TCHP: variants seen among roughly 807,000 people sequenced by gnomAD.
TCHP encodes trichoplein keratin filament-binding protein.
TCHP carries 81 observed loss-of-function variants against 88.7 expected under a neutral mutation model. The observed-to-expected ratio is 0.91, with a 90% CI of 0.76 to 1.10. The LOEUF (loss-of-function observed/expected upper bound fraction) is 1.10, where lower values mean the gene tolerates loss of function less well. Ranked by LOEUF, TCHP falls within the 50% of genes least tolerant of loss-of-function variation. The probability of loss-of-function intolerance (pLI) is 0.00; values close to 1 mark genes in which losing one functional copy is unlikely to be tolerated. For missense variants in TCHP, 641 were observed against 632.1 expected (o/e 1.01, Z -0.15); for synonymous variants, 232 against 232.5 (o/e 1.00, Z 0.02).
intron 12 of TCHP, among the ~76,000 whole-genome samples, chr12:109,916,359 G>A (rs1161275930): frequency 6.6e-6 from 1 of 152,272 alleles, no homozygotes; most frequent in Non-Finnish European, 1.5e-5. Flanking sequence ...GGATCAGTGA[G>A]AGTGTCAGGG....
chr12:109,912,969 C>A, intron 9 of TCHP, 22 bp from the exon 10 acceptor site: 1 of 1,611,250 alleles, frequency 6.2e-7, no homozygotes, highest in Non-Finnish European at 8.5e-7. Context: ...AGCCTGCTGT[C>A]ATCCCTTTTG....
At chr12:109,886,294 C>T in the TCHP span, among the ~76,000 whole-genome samples, 343 of 152,244 alleles carry the variant, frequency 2.3e-3, 2 homozygotes, top group African/African-American at 7.3e-3. Flanking sequence ...TCTGCCACCA[C>T]GCCCAGCTAA....
At chr12:109,914,187 C>G (rs974244957) in intron 10 of TCHP, 1 of 239,066 alleles carries the variant, frequency 4.2e-6, no homozygotes, top group Non-Finnish European at 8.1e-6. Flanking sequence ...TGGCACTCAG[C>G]TGTCTCTCCA....
upstream of TCHP, among the ~76,000 whole-genome samples, chr12:109,896,355 C>G (rs764244635): frequency 4.6e-5 from 7 of 152,184 alleles, no homozygotes; most frequent in Non-Finnish European, 1.0e-4. Context: ...CTTTTATAGT[C>G]TTTGCTGTGT....
rs1295223445 is a variant in TCHP at position 109,905,697 on chromosome 12, G to T, written c.457-875G>T. 6.6e-6 allele frequency among the ~76,000 whole-genome samples: 1 copy of T among 152,168 alleles called. No homozygotes were observed. Among genetic ancestry groups the T allele is most frequent in the East Asian group, 1.9e-4 (1 of 5,196 alleles). On this transcript the variant is annotated intron_variant, in intron 4 of 12. Transcript: ENST00000405876. The surrounding 1 kb of genome is among the most constrained non-coding windows in gnomAD (Gnocchi z 4.0). ...CGTAGTTACATTTAGAAATCGCCAG[G>T]CACTAAATAATGGAACATCTGGTGC...
rs1028142637 is a variant in TCHP at position 109,905,795 on chromosome 12, G to A, written c.457-777G>A. On this transcript the variant is annotated intron_variant, in intron 4 of 12. Transcript: ENST00000405876. This position sits in a 1 kb window ranked among gnomAD's most constrained non-coding sequence, Gnocchi z 4.0. ...GGCTTCGGTGGAATCATCCAGAGCC[G>A]TTAAATCAGAAAAGTTTATTCAGAA... is the stretch of plus-strand genomic sequence containing the variant. Among the ~76,000 whole-genome samples the A allele has an allele frequency of 6.6e-6, 1 of 152,198 alleles. No homozygotes were observed. The highest frequency in any genetic ancestry group is 1.5e-5 in the Non-Finnish European group (1 of 68,044).
intron 10 of TCHP, among the ~76,000 whole-genome samples, chr12:109,913,906 C>T (rs557541011): frequency 1.3e-5 from 2 of 152,324 alleles, no homozygotes; most frequent in Non-Finnish European, 2.9e-5. Flanking sequence ...CCCCCCAGCC[C>T]TGCAGCCTAA....
chr12:109,914,470 A>C lies in TCHP; in HGVS notation c.1163A>C (p.Gln388Pro). ...EVLTGRQQQI[Q>P]EKIEQNRRAQ... ...CTGACAGGGAGACAACAGCAAATAC[A>C]AGAGAAGATTGAGCAGAACCGACGG... The change falls in exon 11 of 13, where the codon CAA becomes CCA. Residue 388 changes from glutamine (Q) to proline (P), a missense_variant. Physicochemically the swap from Gln to Pro is moderately conservative, Grantham distance 76. Coordinates refer to ENST00000405876, the MANE Select transcript of TCHP (RefSeq NM_001143852.2). 1 of 1,613,814 alleles carries C rather than the reference A, an allele frequency of 6.2e-7. No homozygotes were observed.
chr12:109,897,616 A>G (rs770285552), upstream of TCHP, among the ~76,000 whole-genome samples: 1 of 150,182 alleles, frequency 6.7e-6, no homozygotes, highest in African/African-American at 2.5e-5. Context: ...GCTGGAGTTC[A>G]GCGGTCAGAT....
Position 109,904,045 on chromosome 12 carries a change from C to A in TCHP, c.297C>A (p.Ala99=). 6.2e-7 allele frequency: 1 copy of A among 1,607,132 alleles called. No homozygotes were observed. The highest frequency in any genetic ancestry group is 8.5e-7 in the Non-Finnish European group (1 of 1,176,802). ...QLMQEEQDLL[A]RELEELRLSM... Reference sequence around the variant, plus strand: ...TGCAGGAGGAGCAGGACCTGCTGGCCAGAGAACTGGAGGAGCTGAGGCTGA... The same window carrying A: ...TGCAGGAGGAGCAGGACCTGCTGGCAAGAGAACTGGAGGAGCTGAGGCTGA... The change falls in exon 3 of 13, where the codon GCC becomes GCA. Residue 99 remains alanine (A), a synonymous_variant. Transcript: ENST00000405876.
rs1184222573 is a variant in TCHP, at chr12:109,903,934, C to T, written c.189-3C>T. The T allele has an allele frequency of 6.2e-7, 1 of 1,601,794 alleles. No homozygotes were observed. Among genetic ancestry groups the T allele is most frequent in the Non-Finnish European group, 8.5e-7 (1 of 1,175,020 alleles). ...TGATTCAGGCAGGCCCCCTCTCACC[C>T]AGCATGCATGCCTATCAGCGGGAGA... is the stretch of plus-strand genomic sequence containing the variant. On this transcript the variant is annotated splice_region_variant and splice_polypyrimidine_tract_variant and intron_variant, in intron 2 of 12. Coordinates refer to ENST00000405876, the MANE Select transcript of TCHP (RefSeq NM_001143852.2). The surrounding 1 kb of genome is among the most constrained non-coding windows in gnomAD (Gnocchi z 4.6).
At chr12:109,888,108 C>T in the TCHP span, 1 of 152,020 alleles carries the variant, frequency 6.6e-6, no homozygotes, top group Non-Finnish European at 1.5e-5. Context: ...GTACCCTCCC[C>T]AGTGCCCCCC....
At chr12:109,915,162 C>T (rs1008355752) in intron 11 of TCHP, 2 of 596,054 alleles carry the variant, frequency 3.4e-6, no homozygotes, top group African/African-American at 3.7e-5. Context: ...CATACAGCCT[C>T]TCCAGCTTTC....
At chr12:109,891,541 G>A in the TCHP span, among the ~76,000 whole-genome samples, 2 of 151,182 alleles carry the variant, frequency 1.3e-5, no homozygotes, top group African/African-American at 4.9e-5. Flanking sequence ...TTACAGGTGC[G>A]CAACACCATA....
chr12:109,905,478 C>T lies in TCHP; in HGVS notation c.456+685C>T, dbSNP rs991395820. 2.6e-5 allele frequency among the ~76,000 whole-genome samples: 4 copies of T among 152,132 alleles called. No individual in the cohort carries two copies. The highest frequency in any genetic ancestry group is 1.9e-4 in the East Asian group (1 of 5,196). ...ACTCCTCTGGTAGCAATGTGCCCGC[C>T]GACAGGGAGGGGTGCTGCGACAGCC... On this transcript the variant is annotated intron_variant, in intron 4 of 12. Transcript: ENST00000405876. The surrounding 1 kb of genome is among the most constrained non-coding windows in gnomAD (Gnocchi z 4.0).
chr12:109,885,732 C>A, the TCHP span, among the ~76,000 whole-genome samples: 7 of 151,732 alleles, frequency 4.6e-5, no homozygotes, highest in African/African-American at 1.7e-4. Flanking sequence ...CCGCCCTCCT[C>A]GGCCTCGCAA....
At chr12:109,908,481 C>A in intron 6 of TCHP, 105 bp from the exon 7 acceptor site, 1 of 898,328 alleles carries the variant, frequency 1.1e-6, no homozygotes, top group South Asian at 1.6e-5. Context: ...CATGGCCAGG[C>A]CTCTGTTGGT....
the TCHP span, among the ~76,000 whole-genome samples, chr12:109,887,013 T>C: frequency 1.3e-5 from 2 of 152,158 alleles, no homozygotes; most frequent in Non-Finnish European, 2.9e-5. Flanking sequence ...GGCCTAGATG[T>C]GCTTATTGTT....
At chr12:109,916,516 G>C (rs1443533753) in intron 12 of TCHP, 75 bp from the exon 13 acceptor site, 1 of 1,465,320 alleles carries the variant, frequency 6.8e-7, no homozygotes, top group Admixed American at 2.1e-5. Context: ...TTAGCTTGTA[G>C]TTAAAACAAG....
Sources: allele counts gnomAD v4.1 joint callset (sites outside exome capture counted in the v4.1 genomes callset), GRCh38; gene constraint gnomAD v4.1.1; non-coding constraint Gnocchi (gnomAD v3.1); transcripts MANE v1.5; gene names NCBI Gene and HGNC (gene_info 2026-07-23, HGNC 2026-07-21).